The following CNTNAP5 variants were observed in gnomAD, a reference collection of about 807,000 sequenced individuals.
CNTNAP5 encodes contactin associated protein family member 5, also known as contactin-associated protein-like 5.
In CNTNAP5, 72 loss-of-function variants were observed where a neutral mutation model predicts 150.2. The observed-to-expected ratio is 0.48, with a 90% CI of 0.40 to 0.58. The LOEUF is 0.58. CNTNAP5 is among the 20% of genes least tolerant of loss of function. The pLI is 0.00. For missense variants in CNTNAP5, 1,636 were observed against 1,626.2 expected (o/e 1.01, Z -0.10); for synonymous variants, 672 against 619.8 (o/e 1.08, Z -1.25).
chr2:124,811,659 A>G (rs1221396591), intron 19 of CNTNAP5, among the ~76,000 whole-genome samples: 3 of 143,290 alleles, frequency 2.1e-5, no homozygotes, highest in Non-Finnish European at 4.5e-5. Context: ...AATTGAAAAC[A>G]GGTCAGGCGC....
chr2:124,535,440 C>T (rs1256164413), intron 10 of CNTNAP5, among the ~76,000 whole-genome samples: 1 of 152,116 alleles, frequency 6.6e-6, no homozygotes, highest in Non-Finnish European at 1.5e-5. Flanking sequence ...GCTTCTCCCT[C>T]CATCACCACT....
chr2:124,204,052 G>C (rs1685800968), intron 1 of CNTNAP5, among the ~76,000 whole-genome samples: 1 of 152,114 alleles, frequency 6.6e-6, no homozygotes, highest in South Asian at 2.1e-4. Flanking sequence ...TCTTAAACAT[G>C]GGTTCCAATT....
chr2:124,721,141 A>G lies in CNTNAP5; in HGVS notation c.2078-26088A>G, dbSNP rs187247607. 5.4e-3 allele frequency among the ~76,000 whole-genome samples: 819 copies of G among 152,278 alleles called. 10 individuals carry two copies. The highest frequency in any genetic ancestry group is 0.018 in the African/African-American group (766 of 41,562). ...ACACTAGATACAGGGCAGATCTTACAGTACTCAGAACTGACCAGCAGATTT... is the reference window on the plus strand; with the variant it reads ...ACACTAGATACAGGGCAGATCTTACGGTACTCAGAACTGACCAGCAGATTT... On this transcript the variant is annotated intron_variant, in intron 13 of 23. Transcript: ENST00000682447.
chr2:124,231,574 C>A (rs1255138681), intron 2 of CNTNAP5, among the ~76,000 whole-genome samples: 1 of 152,098 alleles, frequency 6.6e-6, no homozygotes, highest in Admixed American at 6.6e-5. Context: ...AGTATTTTAA[C>A]TAAAATAATA....
chr2:124,385,984 GACA>G (rs34682817), intron 3 of CNTNAP5, among the ~76,000 whole-genome samples: 10,386 of 152,178 alleles, frequency 0.068, 494 homozygotes, highest in East Asian at 0.2. Context: ...TGAGCACGTA[GACA>G]ACATCGATGT....
intron 13 of CNTNAP5, among the ~76,000 whole-genome samples, chr2:124,739,982 C>T (rs1400868391): frequency 2.0e-5 from 3 of 151,876 alleles, no homozygotes; most frequent in East Asian, 1.9e-4. Context: ...AAGTTTATAT[C>T]ACTCACGTAT....
intron 4 of CNTNAP5, among the ~76,000 whole-genome samples, chr2:124,429,566 G>T (rs1043941273): frequency 6.6e-6 from 1 of 152,300 alleles, no homozygotes; most frequent in East Asian, 1.9e-4. Context: ...TGTGTGCAAT[G>T]TAATTAATAT....
chr2:124,390,772 A>G (rs1487283699), intron 3 of CNTNAP5, among the ~76,000 whole-genome samples: 1 of 152,210 alleles, frequency 6.6e-6, no homozygotes, highest in Non-Finnish European at 1.5e-5. Context: ...AATGTACAAT[A>G]TTTTGAATAG....
chr2:124,873,011 T>TG (rs564967709), intron 21 of CNTNAP5, among the ~76,000 whole-genome samples: 382 of 152,252 alleles, frequency 2.5e-3, no homozygotes, highest in South Asian at 4.6e-3. Flanking sequence ...TAGTCCATTT[T>TG]GGCATTGCCA....
chr2:124,824,392 G>T (rs993841771), intron 19 of CNTNAP5, among the ~76,000 whole-genome samples: 1 of 152,062 alleles, frequency 6.6e-6, no homozygotes. Context: ...TTGTTGGCAG[G>T]TTCTGACTGT....
intron 10 of CNTNAP5, among the ~76,000 whole-genome samples, chr2:124,544,612 CT>C (rs5834077): frequency 0.42 from 64,019 of 151,976 alleles, 14,015 homozygotes; most frequent in East Asian, 0.64. Flanking sequence ...TCTATGCTGT[CT>C]TAACATCTTG....
chr2:124,750,525 T>C (rs1680700933), intron 14 of CNTNAP5, among the ~76,000 whole-genome samples: 1 of 152,208 alleles, frequency 6.6e-6, no homozygotes, highest in African/African-American at 2.4e-5. Context: ...TATTTACTGA[T>C]TTATCACTTA....
chr2:124,835,993 C>CAG (rs1261939796), intron 19 of CNTNAP5, among the ~76,000 whole-genome samples: 2 of 151,748 alleles, frequency 1.3e-5, no homozygotes, highest in South Asian at 2.1e-4. Flanking sequence ...CAGAAAATAT[C>CAG]AGAGAGAGAG....
chr2:124,158,027 G>A (rs572125822), intron 1 of CNTNAP5, among the ~76,000 whole-genome samples: 1 of 152,286 alleles, frequency 6.6e-6, no homozygotes, highest in African/African-American at 2.4e-5. Flanking sequence ...AAGATGACAT[G>A]CTGCAAATGG....
rs187113537 is a variant in CNTNAP5 at position 124,887,504 on chromosome 2, A to T, written c.3437-15378A>T. On this transcript the variant is annotated intron_variant, in intron 21 of 23. Transcript: ENST00000682447. ...TCAGTTTTCTTATCTGAAAACCAGG[A>T]ATCATCATAGCAACCTACCAGAGTT... Among the ~76,000 whole-genome samples, 45 of 152,206 alleles carry T rather than the reference A, an allele frequency of 3.0e-4. 1 individual carries two copies. Among genetic ancestry groups the T allele is most frequent in the African/African-American group, 1.1e-3 (45 of 41,550 alleles).
chr2:124,539,559 C>A (rs1318012092), intron 10 of CNTNAP5, among the ~76,000 whole-genome samples: 1 of 152,176 alleles, frequency 6.6e-6, no homozygotes, highest in South Asian at 2.1e-4. Context: ...TTCTTTGTAT[C>A]TTAGCTCCCC....
At chr2:124,318,816 T>C (rs1558848524) in intron 3 of CNTNAP5, among the ~76,000 whole-genome samples, 1 of 151,922 alleles carries the variant, frequency 6.6e-6, no homozygotes, top group Non-Finnish European at 1.5e-5. Context: ...TCCATCTCTA[T>C]CTCCTAAATA....
At chr2:124,866,772 T>C (rs542016547) in intron 20 of CNTNAP5, among the ~76,000 whole-genome samples, 29 of 152,208 alleles carry the variant, frequency 1.9e-4, no homozygotes, top group Non-Finnish European at 4.1e-4. Context: ...AGCAAGCCCT[T>C]GCATCTGCCT....
At chr2:124,763,296 TG>T (rs1680997737) in intron 14 of CNTNAP5, among the ~76,000 whole-genome samples, 1 of 152,268 alleles carries the variant, frequency 6.6e-6, no homozygotes, top group African/African-American at 2.4e-5. Flanking sequence ...TTGTGATGGC[TG>T]TTTCAAGTTA....
Sources: gnomAD v4.1 joint callset for allele counts (sites outside exome capture counted in the v4.1 genomes callset) on GRCh38, gnomAD v4.1.1 for gene constraint, MANE v1.5 for transcripts, NCBI Gene and HGNC (gene_info 2026-07-23, HGNC 2026-07-21) for gene names.